The following LSAMP variants were observed in gnomAD, a reference collection of about 807,000 sequenced individuals.
The protein encoded by LSAMP is limbic system associated membrane protein.
LSAMP carries 7 observed loss-of-function variants against 38.6 expected under a neutral mutation model. The observed-to-expected ratio is 0.18, with a 90% CI of 0.10 to 0.34. LSAMP has a LOEUF of 0.34. Ranked by LOEUF, LSAMP falls within the 10% of genes least tolerant of loss-of-function variation. The pLI is 1.00. For synonymous variants in LSAMP, 154 were observed against 166.8 expected, an observed-to-expected ratio of 0.92 and a Z score of 0.59; for missense variants, 313 against 420.0, an observed-to-expected ratio of 0.75 and a Z score of 2.23.
chr3:116,174,337 G>C (rs1576411486), intron 1 of LSAMP, among the ~76,000 whole-genome samples: 1 of 151,936 alleles, frequency 6.6e-6, no homozygotes, highest in African/African-American at 2.4e-5. Context: ...TTGGGAAGCA[G>C]CCGCCATAGG....
At chr3:116,279,873 AT>A (rs397877238) in intron 1 of LSAMP, among the ~76,000 whole-genome samples, 4 of 152,146 alleles carry the variant, frequency 2.6e-5, no homozygotes, top group African/African-American at 9.7e-5. Context: ...GCACTTGCCC[AT>A]TTTTTCAATG....
Position 115,924,793 on chromosome 3 carries a change from T to A in LSAMP, c.515-72176A>T, listed in dbSNP as rs1251514372. On this transcript the variant is annotated intron_variant, in intron 3 of 6. Transcript: ENST00000490035. Reference sequence around the variant, plus strand: ...GGGGATAATCAGAAGCCCATTTTATTTGAGTCTTTGCAACTAAAGTCCTCC... The same window carrying A: ...GGGGATAATCAGAAGCCCATTTTATATGAGTCTTTGCAACTAAAGTCCTCC... Among the ~76,000 whole-genome samples the A allele has an allele frequency of 4.6e-5, 7 of 152,316 alleles. No homozygotes were observed. In the East Asian group the frequency reaches 1.3e-3, roughly 29 times the overall value.
chr3:116,250,342 A>C (rs1035665171), intron 1 of LSAMP, among the ~76,000 whole-genome samples: 2 of 152,212 alleles, frequency 1.3e-5, no homozygotes, highest in Non-Finnish European at 2.9e-5. Flanking sequence ...TATCTACTCT[A>C]AAAGAACATA....
intron 3 of LSAMP, among the ~76,000 whole-genome samples, chr3:115,961,758 T>A (rs1938632163): frequency 6.6e-6 from 1 of 152,204 alleles, no homozygotes; most frequent in African/African-American, 2.4e-5. Context: ...TGGTGGGGCT[T>A]CTGGGAATAG....
At chr3:116,197,570 AG>A (rs1374904604) in intron 1 of LSAMP, among the ~76,000 whole-genome samples, 1 of 152,190 alleles carries the variant, frequency 6.6e-6, no homozygotes, top group Non-Finnish European at 1.5e-5. Context: ...CTTTCTAGGC[AG>A]GGCAGCAGAT....
chr3:115,847,027 A>G (rs1935181758), intron 4 of LSAMP, among the ~76,000 whole-genome samples: 1 of 152,222 alleles, frequency 6.6e-6, no homozygotes, highest in Non-Finnish European at 1.5e-5. Context: ...GTAAAGATCA[A>G]ATGAAATCAG....
chr3:115,927,065 T>G (rs1937511707), intron 3 of LSAMP, among the ~76,000 whole-genome samples: 1 of 152,214 alleles, frequency 6.6e-6, no homozygotes, highest in African/African-American at 2.4e-5. Flanking sequence ...GAATGACTGC[T>G]TATTTGTTGA....
At chr3:116,415,909 A>T (rs772394302) in intron 1 of LSAMP, among the ~76,000 whole-genome samples, 24 of 152,222 alleles carry the variant, frequency 1.6e-4, no homozygotes, top group Non-Finnish European at 2.8e-4. Context: ...TGGGCTAGTG[A>T]AAATGTACTC....
chr3:116,200,668 G>A (rs2045975655), intron 1 of LSAMP, among the ~76,000 whole-genome samples: 1 of 152,198 alleles, frequency 6.6e-6, no homozygotes, highest in African/African-American at 2.4e-5. Flanking sequence ...CTCTGCAGCT[G>A]TGACTTCAAC....
At chr3:115,856,618 C>CAA (rs554689672) in intron 3 of LSAMP, among the ~76,000 whole-genome samples, 2 of 116,654 alleles carry the variant, frequency 1.7e-5, no homozygotes, top group Non-Finnish European at 3.6e-5. Context: ...GACTCCATCT[C>CAA]AAAAAAAAAA....
chr3:116,372,250 C>T (rs1301687450), intron 1 of LSAMP, among the ~76,000 whole-genome samples: 2 of 151,824 alleles, frequency 1.3e-5, no homozygotes, highest in African/African-American at 4.8e-5. Context: ...AATACAGAGC[C>T]CCAAAATAAA....
intron 3 of LSAMP, among the ~76,000 whole-genome samples, chr3:115,984,419 G>C (rs1045657372): frequency 6.6e-6 from 1 of 152,102 alleles, no homozygotes; most frequent in Non-Finnish European, 1.5e-5. Context: ...GAGAAAGAAA[G>C]AATCAGTGAT....
At chr3:116,190,570 C>T (rs1420585914) in intron 1 of LSAMP, among the ~76,000 whole-genome samples, 1 of 152,156 alleles carries the variant, frequency 6.6e-6, no homozygotes, top group African/African-American at 2.4e-5. Context: ...TTTTACAACA[C>T]TGGCTTCATA....
intron 6 of LSAMP, among the ~76,000 whole-genome samples, chr3:115,822,548 T>A (rs564644512): frequency 6.6e-6 from 1 of 152,126 alleles, no homozygotes; most frequent in Non-Finnish European, 1.5e-5. Context: ...TTAGTAGAGA[T>A]GGAGTTTCTC....
intron 3 of LSAMP, among the ~76,000 whole-genome samples, chr3:115,965,944 G>A (rs970225759): frequency 2.6e-5 from 4 of 152,090 alleles, no homozygotes; most frequent in Admixed American, 1.3e-4. Flanking sequence ...AACCACTGTG[G>A]CAGAAGCTGC....
At chr3:115,988,410 A>G (rs1006494494) in intron 3 of LSAMP, among the ~76,000 whole-genome samples, 48 of 152,190 alleles carry the variant, frequency 3.2e-4, no homozygotes, top group African/African-American at 1.1e-3. Flanking sequence ...TAAATGTTGG[A>G]TATCAGGGTA....
intron 3 of LSAMP, among the ~76,000 whole-genome samples, chr3:115,949,085 T>C (rs1938199238): frequency 6.6e-6 from 1 of 152,050 alleles, no homozygotes; most frequent in South Asian, 2.1e-4. Context: ...CTGTCCAATA[T>C]GGCAAAACCC....
chr3:116,383,079 C>T (rs748823838), intron 1 of LSAMP, among the ~76,000 whole-genome samples: 15 of 152,124 alleles, frequency 9.9e-5, no homozygotes, highest in Non-Finnish European at 1.5e-4. Flanking sequence ...CCCTTCACTA[C>T]GTGCTATATT....
At chr3:116,286,616 G>C (rs1227733523) in intron 1 of LSAMP, among the ~76,000 whole-genome samples, 1 of 151,984 alleles carries the variant, frequency 6.6e-6, no homozygotes, top group Non-Finnish European at 1.5e-5. Flanking sequence ...TTTTTGGTCT[G>C]TCTTTCCATC....
Sources: allele counts gnomAD v4.1 joint callset (sites outside exome capture counted in the v4.1 genomes callset), GRCh38; gene constraint gnomAD v4.1.1; transcripts MANE v1.5; gene names NCBI Gene and HGNC (gene_info 2026-07-23, HGNC 2026-07-21).